CDC42EP3: variants seen among roughly 807,000 people sequenced by gnomAD.
CDC42EP3 encodes CDC42 effector protein (Rho GTPase binding) 3.
A neutral mutation model predicts 15.5 loss-of-function variants in CDC42EP3; 4 were observed. The observed-to-expected ratio is 0.26, with a 90% CI of 0.13 to 0.59. The LOEUF (loss-of-function observed/expected upper bound fraction) is 0.59. CDC42EP3 is among the 20% of genes least tolerant of loss of function. The pLI, the probability that CDC42EP3 is intolerant of heterozygous loss-of-function variation, is 0.89. For missense variants in CDC42EP3, 309 were observed against 311.2 expected, an observed-to-expected ratio of 0.99 and a Z score of 0.05; for synonymous variants, 145 against 130.3, an observed-to-expected ratio of 1.11 and a Z score of -0.77.
chr2:37,664,307 T>C (rs372802994), intron 1 of CDC42EP3, among the ~76,000 whole-genome samples: 2 of 152,192 alleles, frequency 1.3e-5, no homozygotes, highest in Non-Finnish European at 2.9e-5. Context: ...TCTTCAGTTT[T>C]TGGACCTGGA....
chr2:37,661,821 C>T (rs1382156021), intron 1 of CDC42EP3, among the ~76,000 whole-genome samples: 2 of 152,150 alleles, frequency 1.3e-5, no homozygotes, highest in Admixed American at 1.3e-4. Context: ...GCCAATCTCT[C>T]TCCTTTTTAA....
intron 1 of CDC42EP3, among the ~76,000 whole-genome samples, chr2:37,665,192 T>C (rs1023757673): frequency 1.3e-5 from 2 of 152,218 alleles, no homozygotes; most frequent in African/African-American, 2.4e-5. Context: ...CAAGACACTA[T>C]GGAAATGCCT....
chr2:37,663,595 A>G (rs976182232), intron 1 of CDC42EP3, among the ~76,000 whole-genome samples: 4 of 152,166 alleles, frequency 2.6e-5, no homozygotes, highest in African/African-American at 7.2e-5. Flanking sequence ...CCCGCAGATG[A>G]TCTCTATCAC....
At chr2:37,656,349 C>T (rs1681583932) in intron 1 of CDC42EP3, among the ~76,000 whole-genome samples, 1 of 152,182 alleles carries the variant, frequency 6.6e-6, no homozygotes, top group African/African-American at 2.4e-5. Context: ...TTTTGCCTCC[C>T]ACAACACATG....
chr2:37,663,042 G>T (rs2124633454), intron 1 of CDC42EP3, among the ~76,000 whole-genome samples: 1 of 152,364 alleles, frequency 6.6e-6, no homozygotes, highest in South Asian at 2.1e-4. Context: ...GCGGGTGCCT[G>T]TAATCCCAGC....
chr2:37,646,930 T>C (rs1665500876), intron 1 of CDC42EP3, 108 bp from the exon 2 acceptor site: 1 of 175,656 alleles, frequency 5.7e-6, no homozygotes, highest in Non-Finnish European at 1.2e-5. Flanking sequence ...TTTCAACTAA[T>C]GCTGAACTTA....
chr2:37,667,982 C>T (rs1183976553), intron 1 of CDC42EP3, among the ~76,000 whole-genome samples: 1 of 152,176 alleles, frequency 6.6e-6, no homozygotes, highest in African/African-American at 2.4e-5. Flanking sequence ...TGTTCCAAGA[C>T]CCCCAGTGGG....
At chr2:37,663,634 T>C (rs1166685304) in intron 1 of CDC42EP3, among the ~76,000 whole-genome samples, 1 of 152,230 alleles carries the variant, frequency 6.6e-6, no homozygotes, top group Non-Finnish European at 1.5e-5. Flanking sequence ...GTGACTCCCC[T>C]TGCATTTGAA....
At chr2:37,671,121 G>A (rs1232106052) in intron 1 of CDC42EP3, among the ~76,000 whole-genome samples, 3 of 152,206 alleles carry the variant, frequency 2.0e-5, no homozygotes, top group Non-Finnish European at 4.4e-5. Flanking sequence ...AATGCTATAC[G>A]CGCCCAGAAT....
chr2:37,659,101 C>A (rs6755117), intron 1 of CDC42EP3, among the ~76,000 whole-genome samples: 3,628 of 152,296 alleles, frequency 0.024, 106 homozygotes, highest in African/African-American at 0.068. Context: ...AACTATCACA[C>A]TGGATTATTA....
chr2:37,670,203 C>CTGT lies in CDC42EP3; in HGVS notation c.-236+1222_-236+1223insACA, dbSNP rs199742285. On this transcript the variant is annotated intron_variant, in intron 1 of 1. Coordinates refer to ENST00000295324, the MANE Select transcript of CDC42EP3 (RefSeq NM_006449.5). ...TCCCTGTGATGTTAACAGGAAGTCC[C>CTGT]TAAAACTGGCTTTGCTATTAAAATA... is the stretch of plus-strand genomic sequence containing the variant. Among the ~76,000 whole-genome samples, 1,282 of 152,268 alleles carry CTGT rather than the reference C, an allele frequency of 8.4e-3. 19 individuals carry two copies. Among genetic ancestry groups the CTGT allele is most frequent in the African/African-American group, 0.029 (1,191 of 41,544 alleles).
chr2:37,642,599 T>C lies in CDC42EP3; in HGVS notation c.*3224A>G, dbSNP rs1665303849. The C allele has an allele frequency of 6.6e-6, 1 of 152,240 alleles. No individual in the cohort carries two copies. Among genetic ancestry groups the C allele is most frequent in the Non-Finnish European group, 1.5e-5 (1 of 68,042 alleles). 9.4% of individuals were successfully genotyped at this position (152,240 alleles called of 1,614,324 possible). The stretch of plus-strand genomic sequence containing the variant: ...TCATGTTGGCTCATTCTATTGTGTT[T>C]ATATATTTCACAGTAAAATGATTCA... On this transcript the variant is annotated 3_prime_UTR_variant, in exon 2 of 2. Coordinates refer to ENST00000295324, the MANE Select transcript of CDC42EP3 (RefSeq NM_006449.5).
chr2:37,665,292 C>T (rs959303403), intron 1 of CDC42EP3, among the ~76,000 whole-genome samples: 1 of 152,096 alleles, frequency 6.6e-6, no homozygotes, highest in African/African-American at 2.4e-5. Flanking sequence ...CCTCCCTTCC[C>T]ATCCCCACCC....
intron 1 of CDC42EP3, among the ~76,000 whole-genome samples, chr2:37,649,442 T>A (rs1420116244): frequency 1.2e-5 from 1 of 82,108 alleles, no homozygotes; most frequent in African/African-American, 5.0e-5. Context: ...CAAGGCCTTG[T>A]CTCAAAAAAA....
intron 1 of CDC42EP3, among the ~76,000 whole-genome samples, chr2:37,671,200 A>G (rs1024424101): frequency 6.6e-6 from 1 of 152,198 alleles, no homozygotes; most frequent in Non-Finnish European, 1.5e-5. Context: ...GTGGGCACAA[A>G]TGGTGGAGCT....
At chr2:37,651,192 T>C (rs141658567) in intron 1 of CDC42EP3, among the ~76,000 whole-genome samples, 86 of 152,290 alleles carry the variant, frequency 5.6e-4, no homozygotes, top group Admixed American at 8.5e-4. Flanking sequence ...CTATAGAGTA[T>C]TTCTGGAAAC....
Position 37,644,731 on chromosome 2 carries a change from G to A in CDC42EP3, c.*1092C>T, listed in dbSNP as rs1225679600. 6.6e-6 allele frequency: 1 copy of A among 151,994 alleles called. No individual in the cohort carries two copies. The highest frequency in any genetic ancestry group is 1.9e-4 in the East Asian group (1 of 5,198). 9.4% of individuals were successfully genotyped at this position (151,994 alleles called of 1,614,324 possible). On this transcript the variant is annotated 3_prime_UTR_variant, in exon 2 of 2. Transcript: ENST00000295324. ...GGAAGTAATCAAAATGAGAGTAGAT[G>A]GAAATCATCTCTTACCTTAAGGGCT... is the stretch of plus-strand genomic sequence containing the variant.
chr2:37,663,194 CAAAA>C (rs994059367), intron 1 of CDC42EP3, among the ~76,000 whole-genome samples: 2 of 150,960 alleles, frequency 1.3e-5, no homozygotes, highest in African/African-American at 4.9e-5. Flanking sequence ...CAAAACAAAA[CAAAA>C]AAAACAAACC....
chr2:37,670,969 CA>C (rs74334747), intron 1 of CDC42EP3, among the ~76,000 whole-genome samples: 16,566 of 152,296 alleles, frequency 0.11, 1,574 homozygotes, highest in East Asian at 0.47. Flanking sequence ...GCCCCACTAA[CA>C]ATGTCCTCCA....
Sources: allele counts gnomAD v4.1 joint callset (sites outside exome capture counted in the v4.1 genomes callset), GRCh38; gene constraint gnomAD v4.1.1; transcripts MANE v1.5; gene names NCBI Gene and HGNC (gene_info 2026-07-23, HGNC 2026-07-21).